The following AP2A2 variants were observed in gnomAD, a reference collection of about 807,000 sequenced individuals.
AP2A2 encodes adaptor related protein complex 2 subunit alpha 2.
AP2A2 carries 32 observed loss-of-function variants against 104.2 expected under a neutral mutation model. That is an observed-to-expected ratio of 0.31 (90% CI 0.23 to 0.41). AP2A2 has a LOEUF of 0.41. Ranked by LOEUF, AP2A2 falls within the 10% of genes least tolerant of loss-of-function variation. The pLI is 1.00. For missense variants in AP2A2, 912 were observed against 1,261.0 expected (o/e 0.72, Z 4.19); for synonymous variants, 539 against 533.3 (o/e 1.01, Z -0.15).
intron 15 of AP2A2, among the ~76,000 whole-genome samples, chr11:1,002,887 G>A (rs1856072637): frequency 6.6e-6 from 1 of 152,230 alleles, no homozygotes; most frequent in Non-Finnish European, 1.5e-5. Flanking sequence ...GGGGTGGGTT[G>A]GAGGGAGGGG....
chr11:933,060 G>A (rs577208240), intron 1 of AP2A2, among the ~76,000 whole-genome samples: 1 of 152,256 alleles, frequency 6.6e-6, no homozygotes, highest in Non-Finnish European at 1.5e-5. Context: ...ACCTGAGGTC[G>A]GGAGTTCGAG....
At position 1,000,558 on chromosome 11, in the gene AP2A2, G is replaced by A. The variant is rs1323378478; in HGVS notation, c.2083G>A (p.Val695Ile). The A allele has an allele frequency of 1.3e-6, 2 of 1,550,928 alleles. No individual in the cohort carries two copies. Among genetic ancestry groups the A allele is most frequent in the South Asian group, 1.2e-5 (1 of 84,920 alleles). ...CGTGTTCTCAGACTCGGCCTCTGTG[G>A]TCGCGCCTCTCGCTCCTGGCTCCGA... Reference protein sequence around the residue: ...VDVFSDSASVVAPLAPGSEDN... With the variant: ...VDVFSDSASVIAPLAPGSEDN... Residue 695 changes from valine to isoleucine, a missense_variant, in exon 15 of 22, where the codon GTC (valine) becomes ATC (isoleucine). By Grantham distance (29) the Val-to-Ile change is conservative. Around this residue, in one of 7 missense-constraint regions of AP2A2, gnomAD observed 239 missense variants for 329.8 expected, o/e 0.72. Transcript: ENST00000448903.
At chr11:988,827 C>T (rs1035246452) in intron 10 of AP2A2, 138 bp downstream of exon 10, 18 of 1,158,100 alleles carry the variant, frequency 1.6e-5, no homozygotes, top group Non-Finnish European at 2.1e-5. Context: ...GCTCCTCTGC[C>T]TCTGTGTTTT....
At chr11:967,702 G>GAGAGGTT (rs1854668197) in intron 2 of AP2A2, among the ~76,000 whole-genome samples, 1 of 152,098 alleles carries the variant, frequency 6.6e-6, no homozygotes, top group African/African-American at 2.4e-5. Context: ...GTTGGGCTCA[G>GAGAGGTT]AGAGGTTAAG....
intron 14 of AP2A2, among the ~76,000 whole-genome samples, chr11:996,420 A>G (rs1398418234): frequency 1.3e-5 from 2 of 152,214 alleles, no homozygotes; most frequent in Non-Finnish European, 2.9e-5. Flanking sequence ...CTGAGGGAGC[A>G]TGGAAAGGGG....
Position 1,000,639 on chromosome 11 carries a change from G to C in AP2A2, c.2123+41G>C, listed in dbSNP as rs369244189. 1.8e-5 allele frequency: 28 copies of C among 1,516,110 alleles called. No homozygotes were observed. The African/African-American group carries it at 3.3e-4, about 18-fold the overall frequency. 93.9% of individuals were successfully genotyped at this position (1,516,110 alleles called of 1,614,324 possible). A position where few individuals can be genotyped will look rare whatever the true frequency, so the allele number is the denominator to read the frequency against. On this transcript the variant is annotated intron_variant, in intron 15 of 21. Transcript: ENST00000448903. Reference sequence around the variant, plus strand: ...GAGTCCTGCAGACAGGCACGGGGCTGCCGTGCCCCCTGACTTCTGGTGTGG... The same window carrying C: ...GAGTCCTGCAGACAGGCACGGGGCTCCCGTGCCCCCTGACTTCTGGTGTGG...
Position 1,008,153 on chromosome 11 carries a change from GC to G in AP2A2, c.2420+22del. The G allele has an allele frequency of 6.3e-7, 1 of 1,585,028 alleles. No homozygotes were observed. Among genetic ancestry groups the G allele is most frequent in the Non-Finnish European group, 8.6e-7 (1 of 1,165,048 alleles). On this transcript the variant is annotated intron_variant, in intron 18 of 21. Transcript: ENST00000448903. The stretch of plus-strand genomic sequence containing the variant: ...CAGTTCAGGTAAGAGCCGCCTGTGC[GC>G]CCCGGGCCAAGGGGTGTGTGGGCGC...
chr11:927,873 C>T (rs1247987771), intron 1 of AP2A2, among the ~76,000 whole-genome samples: 2 of 143,350 alleles, frequency 1.4e-5, no homozygotes, highest in Admixed American at 7.0e-5. Flanking sequence ...AGCACTTTTA[C>T]GAGTAGCATT....
chr11:941,012 G>T (rs1436586033), intron 1 of AP2A2: 1 of 428,420 alleles, frequency 2.3e-6, no homozygotes, highest in Non-Finnish European at 4.7e-6. Context: ...TCCACACTCC[G>T]TGGAGCTCGG....
intron 2 of AP2A2, among the ~76,000 whole-genome samples, chr11:967,462 T>C (rs1854658147): frequency 6.6e-6 from 1 of 151,868 alleles, no homozygotes. Flanking sequence ...CCCGGGTTCA[T>C]GCCATTCTCC....
intron 1 of AP2A2, among the ~76,000 whole-genome samples, chr11:928,602 C>G (rs911176194): frequency 1.3e-5 from 2 of 152,230 alleles, no homozygotes; most frequent in African/African-American, 4.8e-5. Context: ...CACCAGTTGC[C>G]TTAGTTGTGA....
chr11:969,170 C>T (rs1209937488), intron 2 of AP2A2, among the ~76,000 whole-genome samples: 4 of 149,572 alleles, frequency 2.7e-5, no homozygotes, highest in Non-Finnish European at 5.9e-5. Flanking sequence ...CTGAGGGACA[C>T]TCCCTCACCT....
rs373416694 is a variant in AP2A2 at position 992,795 on chromosome 11, C to A, written c.1452+110C>A. 12 of 1,143,706 alleles carry A rather than the reference C, an allele frequency of 1.0e-5. No individual in the cohort carries two copies. Among genetic ancestry groups the A allele is most frequent in the African/African-American group, 7.6e-5 (5 of 66,106 alleles). The allele number at this position is 1,143,706 out of a possible 1,614,324, so 70.8% of individuals were successfully genotyped here. Reference sequence around the variant, plus strand: ...GAGGTGCCGAGGGCCGTTGCTGACCCCTCTTGCCCCTCAGCTCTTCCCTGA... The same window carrying A: ...GAGGTGCCGAGGGCCGTTGCTGACCACTCTTGCCCCTCAGCTCTTCCCTGA... On this transcript the variant is annotated intron_variant, in intron 11 of 21. Transcript: ENST00000448903. The surrounding 1 kb of genome is among the most constrained non-coding windows in gnomAD (Gnocchi z 6.4).
At chr11:970,071 T>C (rs1387454492) in intron 2 of AP2A2, 98 bp from the exon 3 acceptor site, 3 of 1,371,716 alleles carry the variant, frequency 2.2e-6, no homozygotes, top group Non-Finnish European at 3.0e-6. Flanking sequence ...TGGAGGCTTG[T>C]CCGTGCTGCC....
intron 1 of AP2A2, among the ~76,000 whole-genome samples, chr11:941,735 G>A (rs1182288391): frequency 6.7e-6 from 1 of 148,876 alleles, no homozygotes; most frequent in Non-Finnish European, 1.5e-5. Context: ...CTACAGGCAT[G>A]CACCACCACG....
chr11:929,294 G>A (rs1313340402), intron 1 of AP2A2, among the ~76,000 whole-genome samples: 3 of 152,122 alleles, frequency 2.0e-5, no homozygotes, highest in Non-Finnish European at 2.9e-5. Context: ...AGGAGTAGTC[G>A]GGCCCTGTGG....
chr11:981,993 A>G (rs1449416009), intron 6 of AP2A2, among the ~76,000 whole-genome samples: 6 of 152,266 alleles, frequency 3.9e-5, no homozygotes, highest in African/African-American at 1.4e-4. Context: ...CGGCACGCGT[A>G]GTGCTAGTCT....
intron 1 of AP2A2, among the ~76,000 whole-genome samples, chr11:929,081 T>A (rs1024905790): frequency 6.6e-6 from 1 of 152,184 alleles, no homozygotes; most frequent in African/African-American, 2.4e-5. Flanking sequence ...AAGAAGGTAT[T>A]AGAGGAACAG....
chr11:1,007,888 G>A (rs540779063), intron 17 of AP2A2, 124 bp from the exon 18 acceptor site: 7 of 1,417,786 alleles, frequency 4.9e-6, no homozygotes, highest in East Asian at 5.0e-5. Flanking sequence ...CCCTCGACCC[G>A]TAGCTGGTGG....
Sources: gnomAD v4.1 joint callset for allele counts (sites outside exome capture counted in the v4.1 genomes callset) on GRCh38, gnomAD v4.1.1 for gene constraint, gnomAD v4.1.1 regional missense constraint, Gnocchi (gnomAD v3.1) non-coding constraint, MANE v1.5 for transcripts, NCBI Gene and HGNC (gene_info 2026-07-23, HGNC 2026-07-21) for gene names.